Variants in FRMD8 observed in about 807,000 individuals in gnomAD.
The protein encoded by FRMD8 is FERM domain containing 8, also known as FERM domain-containing protein 8.
In FRMD8, 37 loss-of-function variants were observed where a neutral mutation model predicts 54.2. The ratio of observed to expected loss-of-function variants is 0.68; its 90% confidence interval spans 0.53 to 0.90. The LOEUF (loss-of-function observed/expected upper bound fraction) is 0.90. FRMD8 is among the 40% of genes least tolerant of loss of function. The pLI, the probability that FRMD8 is intolerant of heterozygous loss-of-function variation, is 0.00. For synonymous variants in FRMD8, 246 were observed against 286.9 expected (o/e 0.86, Z 1.44); for missense variants, 585 against 653.7 (o/e 0.89, Z 1.15).
At chr11:65,395,819 A>G (rs545950791) in intron 6 of FRMD8, among the ~76,000 whole-genome samples, 10 of 152,204 alleles carry the variant, frequency 6.6e-5, no homozygotes, top group Admixed American at 1.3e-4. Flanking sequence ...AGAAATCCCA[A>G]CGTTCCTGAC....
upstream of FRMD8, among the ~76,000 whole-genome samples, chr11:65,384,686 G>A (rs1325773272): frequency 6.6e-6 from 1 of 152,190 alleles, no homozygotes; most frequent in Non-Finnish European, 1.5e-5. Flanking sequence ...AGTTCTTAAG[G>A]CAATGCTGTC....
chr11:65,377,174 C>A, the FRMD8 span: 2 of 1,481,970 alleles, frequency 1.3e-6, no homozygotes, highest in South Asian at 1.4e-5. Flanking sequence ...GGGGCCACAT[C>A]TTCCAGTCCC....
intron 9 of FRMD8, among the ~76,000 whole-genome samples, chr11:65,403,738 C>T (rs539948389): frequency 9.8e-5 from 15 of 152,354 alleles, no homozygotes; most frequent in Admixed American, 5.9e-4. Context: ...TCCTTTCTGA[C>T]GCTGGCTTGC....
chr11:65,399,745 C>T lies in FRMD8; in HGVS notation c.813C>T (p.Phe271=). Residue 271 remains phenylalanine, a synonymous_variant, in exon 8 of 11, where the codon TTC becomes TTT. Transcript: ENST00000317568. The part of the protein sequence containing the change: ...CHELPFYGCA[F]FHGEVDKPAQ... ...CCAGTCCCCTCCCCAGGTGTGCCTT[C>T]TTCCACGGTGAGGTTGACAAGCCGG... is the stretch of plus-strand genomic sequence containing the variant. 1.9e-6 allele frequency: 3 copies of T among 1,614,016 alleles called. No individual in the cohort carries two copies. Among genetic ancestry groups the T allele is most frequent in the Non-Finnish European group, 2.5e-6 (3 of 1,179,954 alleles).
At chr11:65,395,745 G>A (rs1302034486) in intron 6 of FRMD8, among the ~76,000 whole-genome samples, 3 of 152,168 alleles carry the variant, frequency 2.0e-5, no homozygotes, top group African/African-American at 7.2e-5. Flanking sequence ...TTATCTGGCA[G>A]AACAAAGCAT....
the FRMD8 span, chr11:65,376,937 G>C: frequency 6.2e-7 from 1 of 1,613,048 alleles, no homozygotes; most frequent in African/African-American, 1.3e-5. Context: ...CAGCCCCCGG[G>C]GCCCCTCCTC....
At chr11:65,369,264 G>T in the FRMD8 span, among the ~76,000 whole-genome samples, 2 of 152,094 alleles carry the variant, frequency 1.3e-5, no homozygotes, top group Non-Finnish European at 2.9e-5. Context: ...AGAGCTGAAG[G>T]CTGGGTGGGA....
Position 65,390,049 on chromosome 11 carries a change from G to A in FRMD8, c.253+521G>A, listed in dbSNP as rs753795249. On this transcript the variant is annotated intron_variant, in intron 3 of 10. Transcript: ENST00000317568. Reference sequence around the variant, plus strand: ...GTTCCTTGGGGACAGGGAGGAGAAGGGACATGGCTCAGGAAGTAGGCCCCT... The same window carrying A: ...GTTCCTTGGGGACAGGGAGGAGAAGAGACATGGCTCAGGAAGTAGGCCCCT... Among the ~76,000 whole-genome samples, 11 of 152,284 alleles carry A rather than the reference G, an allele frequency of 7.2e-5. 1 individual carries two copies. Among genetic ancestry groups the A allele is most frequent in the Middle Eastern group, 6.8e-3 (2 of 294 alleles).
intron 10 of FRMD8, among the ~76,000 whole-genome samples, 169 bp downstream of exon 10, chr11:65,405,237 G>C (rs922754257): frequency 6.6e-6 from 1 of 152,268 alleles, no homozygotes; most frequent in African/African-American, 2.4e-5. Context: ...TGGCCATAGT[G>C]CCTTTCCTGT....
Position 65,387,139 on chromosome 11 carries a change from C to G in FRMD8, c.85+18C>G. 6.3e-7 allele frequency: 1 copy of G among 1,596,996 alleles called. No homozygotes were observed. The highest frequency in any genetic ancestry group is 8.5e-7 in the Non-Finnish European group (1 of 1,174,230). On this transcript the variant is annotated intron_variant, in intron 2 of 10. Transcript: ENST00000317568. ...AGCCCGAGGTGGGTCCCACCCGCAT[C>G]TCCTCTTCCACACCCTCCTGGGACC...
Position 65,407,673 on chromosome 11 carries a change from G to A in FRMD8, c.1276+2605G>A, listed in dbSNP as rs182125439. On this transcript the variant is annotated intron_variant, in intron 10 of 10. Coordinates refer to ENST00000317568, the MANE Select transcript of FRMD8 (RefSeq NM_031904.5). ...TGGGAGGCCAAGGTGGGCAGATCAC[G>A]AGGTCAGGAGATCGAGACCATCCTG... 3.7e-4 allele frequency among the ~76,000 whole-genome samples: 56 copies of A among 151,986 alleles called. No homozygotes were observed. In the South Asian group the frequency reaches 8.7e-3, roughly 24 times the overall value.
intron 10 of FRMD8, among the ~76,000 whole-genome samples, chr11:65,406,256 G>A (rs1484379149): frequency 3.3e-5 from 5 of 149,512 alleles, no homozygotes; most frequent in Admixed American, 6.7e-5. Flanking sequence ...TGCAGTGGGC[G>A]CGATCTTGGC....
In FRMD8 at chr11:65,411,529, C is replaced by T. The variant is rs774897464; in HGVS notation, c.*169C>T. On this transcript the variant is annotated 3_prime_UTR_variant, in exon 11 of 11. Transcript: ENST00000317568. ...TGACTTTTGGGCCCGGGGCCATGCCCGGGCTGTGCAAAGCTGGCCAGGGCC... is the reference window on the plus strand; with the variant it reads ...TGACTTTTGGGCCCGGGGCCATGCCTGGGCTGTGCAAAGCTGGCCAGGGCC... 7.6e-5 allele frequency: 39 copies of T among 514,092 alleles called. No homozygotes were observed. Among genetic ancestry groups the T allele is most frequent in the African/African-American group, 1.4e-4 (7 of 50,990 alleles). 31.8% of individuals were successfully genotyped at this position (514,092 alleles called of 1,614,324 possible).
At chr11:65,384,706 G>C (rs1855703271), upstream of FRMD8, among the ~76,000 whole-genome samples, 1 of 152,120 alleles carries the variant, frequency 6.6e-6, no homozygotes, top group South Asian at 2.1e-4. Context: ...CATCTTCTGT[G>C]GTTTTATTTA....
At chr11:65,385,050 C>G (rs1484435378), upstream of FRMD8, among the ~76,000 whole-genome samples, 1 of 152,186 alleles carries the variant, frequency 6.6e-6, no homozygotes, top group Non-Finnish European at 1.5e-5. Flanking sequence ...AATTAAACCA[C>G]AACAGACACT....
the FRMD8 span, chr11:65,379,319 C>G: frequency 6.3e-7 from 1 of 1,584,642 alleles, no homozygotes. Context: ...TGGGAGAGGA[C>G]AGATCGAGAT....
the FRMD8 span, chr11:65,380,373 A>G: frequency 2.2e-6 from 2 of 922,740 alleles, no homozygotes. Flanking sequence ...TGGGCCAGGA[A>G]GGCACTGGGA....
upstream of FRMD8, among the ~76,000 whole-genome samples, chr11:65,384,876 C>A (rs1396242585): frequency 6.6e-6 from 1 of 152,060 alleles, no homozygotes; most frequent in Non-Finnish European, 1.5e-5. Flanking sequence ...CCACACCTGG[C>A]TAATTTTTGG....
intron 7 of FRMD8, among the ~76,000 whole-genome samples, chr11:65,398,512 C>T (rs1175907839): frequency 6.6e-6 from 1 of 152,246 alleles, no homozygotes; most frequent in Non-Finnish European, 1.5e-5. Flanking sequence ...GGCAGGAGGG[C>T]TCTACCCGCA....
Sources: gnomAD v4.1 joint callset for allele counts (sites outside exome capture counted in the v4.1 genomes callset) on GRCh38, gnomAD v4.1.1 for gene constraint, MANE v1.5 for transcripts, NCBI Gene and HGNC (gene_info 2026-07-23, HGNC 2026-07-21) for gene names.